The following GLI2 variants were observed in gnomAD, a reference collection of about 807,000 sequenced individuals.
GLI2 encodes transcription activator GLI2.
GLI2 carries 22 observed loss-of-function variants against 78.9 expected under a neutral mutation model. The ratio of observed to expected loss-of-function variants is 0.28; its 90% CI spans 0.20 to 0.40. GLI2 has a LOEUF of 0.40. Ranked by LOEUF, GLI2 falls within the 10% of genes least tolerant of loss-of-function variation. The pLI is 1.00. For synonymous variants in GLI2, 974 were observed against 963.7 expected (o/e 1.01, Z -0.20); for missense variants, 2,097 against 2,213.2 (o/e 0.95, Z 1.05).
chr2:120,962,911 G>GT (rs948523791), intron 5 of GLI2, among the ~76,000 whole-genome samples: 15 of 152,126 alleles, frequency 9.9e-5, no homozygotes, highest in African/African-American at 3.6e-4. Flanking sequence ...ATGTTAGGTG[G>GT]TTTTTCCCCT....
At chr2:120,985,011 C>A (rs1434818370) in intron 12 of GLI2, among the ~76,000 whole-genome samples, 2 of 152,212 alleles carry the variant, frequency 1.3e-5, no homozygotes, top group Admixed American at 1.3e-4. Context: ...TACGGTGGGC[C>A]TGCACAGGGC....
Position 120,990,224 on chromosome 2 carries a change from G to T in GLI2, c.4259G>T (p.Gly1420Val). ...VPPQPPPQDA[G>V]GAPDHSMLYY... ...CCCCAGCCGCCTCCGCAGGACGCAG[G>T]TGGGGCCCCGGACCACAGCATGCTC... The change falls in exon 14 of 14, where the codon GGT (glycine) becomes GTT (valine). Residue 1420 changes from glycine (G) to valine (V), a missense_variant. Gly to Val is a moderately radical substitution (Grantham distance 109). This residue lies in a region of GLI2 where 1,290 missense variants were observed against 1,261.7 expected (regional missense o/e 1.02). Transcript: ENST00000361492. 6.2e-7 allele frequency: 1 copy of T among 1,613,574 alleles called. No homozygotes were observed. The highest frequency in any genetic ancestry group is 8.5e-7 in the Non-Finnish European group (1 of 1,180,024).
At chr2:120,949,752 C>A (rs1039296798) in intron 3 of GLI2, among the ~76,000 whole-genome samples, 11 of 152,240 alleles carry the variant, frequency 7.2e-5, no homozygotes, top group African/African-American at 2.4e-4. Flanking sequence ...CTGCGGAAGA[C>A]TCCCTCCAGG....
chr2:120,854,252 A>C (rs1285514516), intron 2 of GLI2, among the ~76,000 whole-genome samples: 1 of 152,202 alleles, frequency 6.6e-6, no homozygotes, highest in Non-Finnish European at 1.5e-5. Context: ...GTTTGGGTCA[A>C]AAATTTCTAG....
chr2:120,944,470 A>C (rs1003572958), intron 3 of GLI2, among the ~76,000 whole-genome samples: 1 of 152,164 alleles, frequency 6.6e-6, no homozygotes, highest in South Asian at 2.1e-4. Context: ...TCAGACCTAG[A>C]TCTGTGACTT....
intron 3 of GLI2, among the ~76,000 whole-genome samples, chr2:120,942,767 C>T (rs184540970): frequency 6.6e-6 from 1 of 152,342 alleles, no homozygotes; most frequent in Non-Finnish European, 1.5e-5. Flanking sequence ...AGTGTCTGTG[C>T]TCTTCCCTGG....
intron 2 of GLI2, among the ~76,000 whole-genome samples, chr2:120,863,836 G>A (rs1688008869): frequency 6.6e-6 from 1 of 152,182 alleles, no homozygotes. Flanking sequence ...GCGAGGCCGA[G>A]GCAGCCCTTC....
At chr2:120,814,154 C>T (rs983144896) in intron 2 of GLI2, among the ~76,000 whole-genome samples, 1 of 152,150 alleles carries the variant, frequency 6.6e-6, no homozygotes, top group Non-Finnish European at 1.5e-5. Context: ...AGACCTGTTG[C>T]ACAGCTGGGC....
intron 2 of GLI2, among the ~76,000 whole-genome samples, chr2:120,842,816 G>T (rs974686198): frequency 1.3e-5 from 2 of 152,226 alleles, no homozygotes; most frequent in African/African-American, 4.8e-5. Flanking sequence ...TTAGCAGAAG[G>T]CATAGGACAT....
intron 1 of GLI2, among the ~76,000 whole-genome samples, chr2:120,767,450 C>T (rs908783792): frequency 2.0e-5 from 3 of 152,152 alleles, no homozygotes; most frequent in Admixed American, 6.5e-5. Flanking sequence ...CCCAGTCTGC[C>T]GCTGGTGAGA....
chr2:120,841,889 G>GTGTGTGTGT (rs1558827926), intron 2 of GLI2, among the ~76,000 whole-genome samples: 14 of 150,062 alleles, frequency 9.3e-5, no homozygotes, highest in East Asian at 1.9e-4. Context: ...GTGTGTGTGT[G>GTGTGTGTGT]ATGCTGGGCT....
At chr2:120,923,230 ACAG>A (rs1018204050) in intron 2 of GLI2, among the ~76,000 whole-genome samples, 3 of 132,684 alleles carry the variant, frequency 2.3e-5, no homozygotes, top group African/African-American at 8.7e-5. Flanking sequence ...ACACATATAC[ACAG>A]CAACACACAC....
At chr2:120,791,496 G>A (rs866734654) in intron 1 of GLI2, among the ~76,000 whole-genome samples, 1 of 152,234 alleles carries the variant, frequency 6.6e-6, no homozygotes, top group Non-Finnish European at 1.5e-5. Flanking sequence ...AGGTTAGAAT[G>A]ACGATTTCCC....
Position 120,990,308 on chromosome 2 carries a change from G to C in GLI2, c.4343G>C (p.Ser1448Thr). Reference sequence around the variant, plus strand: ...GATGGAGGCCTGGAGAACCTCGGGAGCTGCCAGGTCATGCGGTCCCAGCCA... The same window carrying C: ...GATGGAGGCCTGGAGAACCTCGGGACCTGCCAGGTCATGCGGTCCCAGCCA... ...EQDGGLENLG[S>T]CQVMRSQPPQ... The change falls in exon 14 of 14, where the codon AGC becomes ACC. Residue 1448 changes from serine (S) to threonine (T), a missense_variant. Ser to Thr is a moderately conservative substitution (Grantham distance 58). Around this residue, in one of 5 missense-constraint regions of GLI2, gnomAD observed 1,290 missense variants for 1,261.7 expected, o/e 1.02. Coordinates refer to ENST00000361492, the MANE Select transcript of GLI2 (RefSeq NM_001374353.1). The C allele has an allele frequency of 1.2e-6, 2 of 1,613,768 alleles. No individual in the cohort carries two copies. The highest frequency in any genetic ancestry group is 1.7e-6 in the Non-Finnish European group (2 of 1,180,032).
At chr2:120,982,950 C>A in intron 11 of GLI2, 70 bp downstream of exon 11, 1 of 1,500,420 alleles carries the variant, frequency 6.7e-7, no homozygotes, top group Non-Finnish European at 9.2e-7. Context: ...TTCCAGGCAT[C>A]TGTAGTCCAG....
At chr2:120,939,018 A>T (rs1680326921) in intron 3 of GLI2, among the ~76,000 whole-genome samples, 1 of 152,238 alleles carries the variant, frequency 6.6e-6, no homozygotes, top group Admixed American at 6.5e-5. Context: ...GTGGTGGCTT[A>T]CGCCTATAAT....
intron 1 of GLI2, among the ~76,000 whole-genome samples, chr2:120,761,675 C>T (rs140810310): frequency 1.3e-4 from 20 of 152,260 alleles, no homozygotes; most frequent in Non-Finnish European, 2.5e-4. Context: ...TCCCCTGCCT[C>T]CCTCAAGCTG....
chr2:120,781,115 T>TG (rs1683834741), intron 1 of GLI2, among the ~76,000 whole-genome samples: 1 of 152,208 alleles, frequency 6.6e-6, no homozygotes, highest in African/African-American at 2.4e-5. Context: ...CTGTCCCTGC[T>TG]TCTGGGCCTG....
rs1410194190 is a variant in GLI2, at chr2:120,990,049, C to G, written c.4084C>G (p.Pro1362Ala). The G allele has an allele frequency of 6.2e-7, 1 of 1,602,970 alleles. No homozygotes were observed. The highest frequency in any genetic ancestry group is 1.1e-5 in the South Asian group (1 of 89,878). Residue 1362 changes from proline to alanine, a missense_variant, in exon 14 of 14, where the codon CCC (proline) becomes GCC (alanine). Pro to Ala is a conservative substitution (Grantham distance 27, BLOSUM62 -1). Transcript: ENST00000361492. ...VQPRPPLEPS[P>A]TGRHRGVRAV... is the part of the protein sequence containing the mutation. ...GCCCCGGCCTCCCCTCGAGCCCAGC[C>G]CCACTGGCCGCCACCGTGGGGTACG...
Sources: allele counts gnomAD v4.1 joint callset (sites outside exome capture counted in the v4.1 genomes callset), GRCh38; gene constraint gnomAD v4.1.1; regional missense constraint gnomAD v4.1.1; transcripts MANE v1.5; gene names NCBI Gene and HGNC (gene_info 2026-07-23, HGNC 2026-07-21).